PTPRD: variants seen among roughly 807,000 people sequenced by gnomAD.
The protein encoded by PTPRD is protein tyrosine phosphatase receptor type D.
PTPRD carries 34 observed loss-of-function variants against 214.5 expected under a neutral mutation model. The ratio of observed to expected loss-of-function variants is 0.16; its 90% CI spans 0.12 to 0.21. The LOEUF (loss-of-function observed/expected upper bound fraction) is 0.21. PTPRD is among the 10% of genes least tolerant of loss of function. PTPRD has a pLI of 1.00. For missense variants in PTPRD, 2,545 were observed against 2,398.7 expected (o/e 1.06, Z -1.27); for synonymous variants, 1,128 against 845.7 (o/e 1.33, Z -5.79).
chr9:10,120,645 A>G (rs2098767164), intron 3 of PTPRD, among the ~76,000 whole-genome samples: 1 of 146,084 alleles, frequency 6.8e-6, no homozygotes, highest in African/African-American at 2.5e-5. Context: ...AGTTCTATAC[A>G]TCCATCAATA....
At chr9:9,324,851 G>C (rs78927880) in intron 9 of PTPRD, among the ~76,000 whole-genome samples, 18,789 of 152,136 alleles carry the variant, frequency 0.12, 1,270 homozygotes, top group Middle Eastern at 0.19. Context: ...TTTAATCCAT[G>C]TTGAAATAGT....
At chr9:8,460,107 T>C (rs1171396760) in intron 33 of PTPRD, among the ~76,000 whole-genome samples, 1 of 152,160 alleles carries the variant, frequency 6.6e-6, no homozygotes, top group African/African-American at 2.4e-5. Context: ...TATTTGCTTG[T>C]GAATGCACTA....
At chr9:10,223,660 A>G (rs2099578876) in intron 3 of PTPRD, among the ~76,000 whole-genome samples, 1 of 134,690 alleles carries the variant, frequency 7.4e-6, no homozygotes. Flanking sequence ...ACAGAATGAG[A>G]TTCTGTCTCA....
chr9:9,572,114 C>A (rs190475165), intron 8 of PTPRD, among the ~76,000 whole-genome samples: 48 of 151,428 alleles, frequency 3.2e-4, no homozygotes, highest in East Asian at 3.9e-4. Flanking sequence ...CAAAATATAT[C>A]ATCCAGAGAG....
intron 7 of PTPRD, among the ~76,000 whole-genome samples, chr9:9,674,975 T>C (rs760194519): frequency 1.7e-4 from 26 of 151,958 alleles, no homozygotes; most frequent in East Asian, 5.8e-4. Context: ...AGCCTGATTA[T>C]TGGACAGATA....
intron 10 of PTPRD, among the ~76,000 whole-genome samples, chr9:9,154,113 T>C (rs890492581): frequency 2.0e-5 from 3 of 152,112 alleles, no homozygotes; most frequent in Non-Finnish European, 2.9e-5. Flanking sequence ...CCATGAGAAA[T>C]GTATGATCCT....
At chr9:9,262,476 G>A (rs1019979769) in intron 9 of PTPRD, among the ~76,000 whole-genome samples, 3 of 150,724 alleles carry the variant, frequency 2.0e-5, no homozygotes, top group Admixed American at 6.6e-5. Flanking sequence ...GTCACATTTC[G>A]AATGCTCAAT....
At chr9:9,525,903 A>G (rs2074017392) in intron 8 of PTPRD, among the ~76,000 whole-genome samples, 1 of 152,036 alleles carries the variant, frequency 6.6e-6, no homozygotes, top group African/African-American at 2.4e-5. Flanking sequence ...AGCATCACCT[A>G]AGTCAACATA....
intron 8 of PTPRD, among the ~76,000 whole-genome samples, chr9:9,519,332 A>G (rs1216000842): frequency 7.0e-6 from 1 of 143,284 alleles, no homozygotes; most frequent in Non-Finnish European, 1.5e-5. Flanking sequence ...AGTAGAAGAA[A>G]GACAATGAAA....
intron 35 of PTPRD, among the ~76,000 whole-genome samples, chr9:8,420,138 A>G (rs550912509): frequency 6.6e-6 from 1 of 152,268 alleles, no homozygotes; most frequent in East Asian, 1.9e-4. Context: ...AATTCTAGTT[A>G]TTGTGGCTTT....
At chr9:10,044,502 G>C (rs1410064896) in intron 3 of PTPRD, among the ~76,000 whole-genome samples, 1 of 151,668 alleles carries the variant, frequency 6.6e-6, no homozygotes, top group African/African-American at 2.4e-5. Flanking sequence ...ATTGCTATCT[G>C]AACAAATGTA....
chr9:10,141,390 A>C (rs1162739123), intron 3 of PTPRD, among the ~76,000 whole-genome samples: 2 of 152,310 alleles, frequency 1.3e-5, no homozygotes, highest in South Asian at 4.1e-4. Flanking sequence ...GCTGATAAGC[A>C]ACTTCAGCAA....
intron 8 of PTPRD, among the ~76,000 whole-genome samples, chr9:9,440,499 G>A (rs904476531): frequency 6.6e-6 from 1 of 152,160 alleles, no homozygotes; most frequent in Non-Finnish European, 1.5e-5. Context: ...TTGCAAAAAA[G>A]CAAAGCCATT....
At chr9:8,652,086 AC>A (rs2096824267) in intron 12 of PTPRD, among the ~76,000 whole-genome samples, 1 of 152,134 alleles carries the variant, frequency 6.6e-6, no homozygotes, top group Non-Finnish European at 1.5e-5. Flanking sequence ...TTGCCAGCTA[AC>A]TTTTTCCCCT....
At position 8,969,231 on chromosome 9, in the gene PTPRD, A is replaced by C. The variant is rs113099065; in HGVS notation, c.-104+49466T>G. On this transcript the variant is annotated intron_variant, in intron 11 of 45. Transcript: ENST00000381196. ...AAAATTAAAAAGCCGAATCGTGCCA[A>C]GTGTTGGCAGGGTTACAGGTGCCCT... Among the ~76,000 whole-genome samples, 1,184 of 152,184 alleles carry C rather than the reference A, an allele frequency of 7.8e-3. 18 individuals are homozygous for C. The highest frequency in any genetic ancestry group is 0.026 in the African/African-American group (1,088 of 41,554).
chr9:9,411,991 C>T (rs1486343888), intron 8 of PTPRD, among the ~76,000 whole-genome samples: 3 of 152,132 alleles, frequency 2.0e-5, no homozygotes, highest in Non-Finnish European at 4.4e-5. Flanking sequence ...GATGCCAGGG[C>T]CACATAGTGA....
At chr9:8,632,104 C>G (rs1391188603) in intron 14 of PTPRD, among the ~76,000 whole-genome samples, 4 of 149,122 alleles carry the variant, frequency 2.7e-5, no homozygotes, top group African/African-American at 9.9e-5. Flanking sequence ...ATTTTCTCAG[C>G]CTCTTGAATT....
At chr9:9,889,788 AGTGT>A (rs138586181) in intron 5 of PTPRD, among the ~76,000 whole-genome samples, 4,045 of 146,282 alleles carry the variant, frequency 0.028, 145 homozygotes, top group African/African-American at 0.089. Flanking sequence ...GTTCCTGCTG[AGTGT>A]GTGTGTGTGT....
chr9:9,035,543 T>C (rs910896722), intron 10 of PTPRD, among the ~76,000 whole-genome samples: 12 of 151,854 alleles, frequency 7.9e-5, no homozygotes, highest in Admixed American at 6.6e-4. Context: ...CGTCATAGGG[T>C]GTTCCCCCCA....
Sources: allele counts gnomAD v4.1 joint callset (sites outside exome capture counted in the v4.1 genomes callset), GRCh38; gene constraint gnomAD v4.1.1; transcripts MANE v1.5; gene names NCBI Gene and HGNC (gene_info 2026-07-23, HGNC 2026-07-21).